The following THSD4 variants were observed in gnomAD, a reference collection of about 807,000 sequenced individuals.
THSD4 encodes the protein thrombospondin type 1 domain containing 4.
A neutral mutation model predicts 119.0 loss-of-function variants in THSD4; 69 were observed. The observed-to-expected ratio is 0.58, with a 90% CI of 0.48 to 0.71. The LOEUF (loss-of-function observed/expected upper bound fraction) is 0.71, where lower values mean the gene tolerates loss of function less well. THSD4 is among the 30% of genes least tolerant of loss of function. The probability of loss-of-function intolerance (pLI) is 0.00; values close to 1 mark genes in which losing one functional copy is unlikely to be tolerated. For synonymous variants in THSD4, 524 were observed against 540.4 expected, an observed-to-expected ratio of 0.97 and a Z score of 0.42; for missense variants, 1,393 against 1,391.1, an observed-to-expected ratio of 1.00 and a Z score of -0.02.
chr15:71,594,411 G>A (rs1256583712), intron 7 of THSD4, among the ~76,000 whole-genome samples: 6 of 152,062 alleles, frequency 3.9e-5, no homozygotes, highest in Admixed American at 3.3e-4. Context: ...GTTTCACCAT[G>A]TTGGCTGGGC....
At chr15:71,214,253 C>T (rs2043911355) in intron 3 of THSD4, among the ~76,000 whole-genome samples, 1 of 150,520 alleles carries the variant, frequency 6.6e-6, no homozygotes, top group South Asian at 2.1e-4. Context: ...CCGCCCCACT[C>T]CCTCCAGTCC....
intron 7 of THSD4, among the ~76,000 whole-genome samples, chr15:71,518,516 C>G (rs2048393121): frequency 6.6e-6 from 1 of 152,108 alleles, no homozygotes; most frequent in Non-Finnish European, 1.5e-5. Context: ...TGACTTTAAT[C>G]TTAGTAAAGT....
intron 7 of THSD4, among the ~76,000 whole-genome samples, chr15:71,633,269 CTTTTTT>C (rs67682951): frequency 1.3e-4 from 8 of 63,162 alleles, no homozygotes; most frequent in Non-Finnish European, 2.1e-4. Flanking sequence ...TTCTTTCTTT[CTTTTTT>C]TTTTTTTTTT....
intron 7 of THSD4, among the ~76,000 whole-genome samples, chr15:71,519,937 A>G (rs2048415568): frequency 6.6e-6 from 1 of 152,192 alleles, no homozygotes; most frequent in African/African-American, 2.4e-5. Context: ...TCAGAAAAGA[A>G]GATGTAGCTC....
At chr15:71,359,067 A>C (rs182333411) in intron 6 of THSD4, among the ~76,000 whole-genome samples, 44 of 152,340 alleles carry the variant, frequency 2.9e-4, no homozygotes, top group African/African-American at 1.1e-3. Context: ...ATTTGGTACA[A>C]GTTAACGTAA....
At chr15:71,264,925 A>C (rs1263797483) in intron 6 of THSD4, among the ~76,000 whole-genome samples, 1 of 152,196 alleles carries the variant, frequency 6.6e-6, no homozygotes, top group Non-Finnish European at 1.5e-5. Flanking sequence ...TCTAAAATTC[A>C]TAAGTTAGAG....
At chr15:71,343,353 C>T (rs775535622) in intron 6 of THSD4, among the ~76,000 whole-genome samples, 7 of 152,148 alleles carry the variant, frequency 4.6e-5, no homozygotes, top group African/African-American at 7.2e-5. Context: ...CTGCCTTGCC[C>T]GCTGTATTAG....
At chr15:71,727,819 AG>A (rs1321655533) in intron 8 of THSD4, among the ~76,000 whole-genome samples, 2 of 150,992 alleles carry the variant, frequency 1.3e-5, no homozygotes, top group Non-Finnish European at 2.9e-5. Flanking sequence ...GATAAGAAAA[AG>A]AACAATGCAA....
chr15:71,745,900 C>T (rs2053327962), intron 12 of THSD4, among the ~76,000 whole-genome samples: 1 of 152,180 alleles, frequency 6.6e-6, no homozygotes, highest in African/African-American at 2.4e-5. Context: ...CCACCTCAGC[C>T]TCCCAAAGTG....
At chr15:71,256,753 T>G (rs1438028445) in intron 6 of THSD4, 38 bp downstream of exon 6, 2 of 1,575,358 alleles carry the variant, frequency 1.3e-6, no homozygotes, top group South Asian at 1.1e-5. Context: ...GAAGTTACTT[T>G]AGTCTGTTTT....
At chr15:71,557,692 A>G (rs1157891204) in intron 7 of THSD4, among the ~76,000 whole-genome samples, 1 of 152,170 alleles carries the variant, frequency 6.6e-6, no homozygotes, top group Non-Finnish European at 1.5e-5. Context: ...TTCTTGGAAA[A>G]TGTTTAAAAG....
At chr15:71,601,493 C>T (rs192830572) in intron 7 of THSD4, among the ~76,000 whole-genome samples, 28 of 152,312 alleles carry the variant, frequency 1.8e-4, no homozygotes, top group Non-Finnish European at 3.8e-4. Context: ...TGTCATGGGC[C>T]TGCCAAGACT....
intron 7 of THSD4, among the ~76,000 whole-genome samples, chr15:71,595,685 C>G (rs1390541437): frequency 6.6e-6 from 1 of 152,110 alleles, no homozygotes; most frequent in African/African-American, 2.4e-5. Flanking sequence ...ATTGTATTTC[C>G]AAAGAGTCCT....
intron 5 of THSD4, among the ~76,000 whole-genome samples, chr15:71,244,940 G>A (rs1366579625): frequency 2.0e-5 from 3 of 152,204 alleles, no homozygotes; most frequent in African/African-American, 7.2e-5. Context: ...GCTGATGCCC[G>A]CTTAGCATTC....
intron 6 of THSD4, among the ~76,000 whole-genome samples, chr15:71,323,845 A>G (rs1294368879): frequency 1.3e-5 from 2 of 152,246 alleles, no homozygotes; most frequent in African/African-American, 2.4e-5. Context: ...CAACCCCACT[A>G]TTCAAAGAAT....
chr15:71,111,466 C>G (rs759837101), upstream of THSD4: 3 of 1,457,678 alleles, frequency 2.1e-6, no homozygotes, highest in Non-Finnish European at 2.8e-6. Flanking sequence ...AGGAGGCAAG[C>G]AGGGGAGGGA....
At chr15:71,633,911 G>T (rs2050686035) in intron 7 of THSD4, among the ~76,000 whole-genome samples, 1 of 152,182 alleles carries the variant, frequency 6.6e-6, no homozygotes, top group Admixed American at 6.5e-5. Context: ...ATCTGGCTGG[G>T]CACGGTGGCT....
intron 6 of THSD4, among the ~76,000 whole-genome samples, chr15:71,395,097 C>A (rs1025534200): frequency 6.6e-6 from 1 of 152,204 alleles, no homozygotes; most frequent in Admixed American, 6.5e-5. Context: ...TGAGTAGTTA[C>A]AGGCCCAGTT....
At chr15:71,612,143 G>A (rs2050242547) in intron 7 of THSD4, among the ~76,000 whole-genome samples, 2 of 152,210 alleles carry the variant, frequency 1.3e-5, no homozygotes, top group Non-Finnish European at 2.9e-5. Flanking sequence ...CACTAGCTGT[G>A]TGGTCAGGGA....
Sources: gnomAD v4.1 joint callset for allele counts (sites outside exome capture counted in the v4.1 genomes callset) on GRCh38, gnomAD v4.1.1 for gene constraint, MANE v1.5 for transcripts, NCBI Gene and HGNC (gene_info 2026-07-23, HGNC 2026-07-21) for gene names.